Variants in RSPH14 observed in about 807,000 individuals in gnomAD.
RSPH14 encodes the protein rhabdoid tumor deletion region gene 1.
Under a neutral mutation model 26.7 loss-of-function variants are expected in RSPH14, and 20 were observed. The ratio of observed to expected loss-of-function variants is 0.75; its 90% CI spans 0.53 to 1.09. The LOEUF (loss-of-function observed/expected upper bound fraction) is 1.09. RSPH14 is among the 50% of genes least tolerant of loss of function. RSPH14 has a pLI of 0.00. For synonymous variants in RSPH14, 177 were observed against 189.3 expected (o/e 0.93, Z 0.53); for missense variants, 449 against 457.2 (o/e 0.98, Z 0.16).
At chr22:23,072,698 T>C (rs2068410019) in intron 4 of RSPH14, among the ~76,000 whole-genome samples, 1 of 152,244 alleles carries the variant, frequency 6.6e-6, no homozygotes, top group South Asian at 2.1e-4. Context: ...TGCTGTGCTC[T>C]GTGCCTGTCG....
the RSPH14 span, among the ~76,000 whole-genome samples, chr22:23,159,914 C>T: frequency 6.6e-6 from 1 of 152,234 alleles, no homozygotes; most frequent in Non-Finnish European, 1.5e-5. Context: ...CATCCATCTC[C>T]CTTTTTTGTG....
Position 23,138,957 on chromosome 22 carries a change from A to T in RSPH14, c.200-15T>A. 6.5e-7 allele frequency: 1 copy of T among 1,530,840 alleles called. No homozygotes were observed. The allele number at this position is 1,530,840 out of a possible 1,614,324, so 94.8% of individuals were successfully genotyped here. A position where few individuals can be genotyped will look rare whatever the true frequency, so the allele number is the denominator to read the frequency against. On this transcript the variant is annotated splice_polypyrimidine_tract_variant and intron_variant, in intron 2 of 6. Coordinates refer to ENST00000216036, the MANE Select transcript of RSPH14 (RefSeq NM_014433.3). ...CTCCATACAGCCTAGAAAAAAAAAA[A>T]AAAACAAACAAACCAACCCTTGAAT...
the RSPH14 span, among the ~76,000 whole-genome samples, chr22:23,171,607 G>A: frequency 6.6e-6 from 1 of 152,076 alleles, no homozygotes; most frequent in Non-Finnish European, 1.5e-5. Context: ...ACCTTGAGAG[G>A]CAGTGGGGGT....
At chr22:23,095,648 G>A in intron 4 of RSPH14, 1 of 1,550,632 alleles carries the variant, frequency 6.4e-7, no homozygotes. Flanking sequence ...GCAAGAGGGA[G>A]AGGTGCCCCA....
At chr22:23,145,136 C>A (rs951811869), upstream of RSPH14, 140 of 584,478 alleles carry the variant, frequency 2.4e-4, 1 homozygote, top group South Asian at 2.9e-3. Context: ...AGCTCTTATG[C>A]CATAACCGCC....
At chr22:23,093,655 G>A (rs1032044022) in intron 4 of RSPH14, among the ~76,000 whole-genome samples, 2 of 152,216 alleles carry the variant, frequency 1.3e-5, no homozygotes, top group Non-Finnish European at 2.9e-5. Context: ...GATACCTGTG[G>A]CCAGTGAGGG....
At chr22:23,088,386 G>A (rs2068873419) in intron 4 of RSPH14, among the ~76,000 whole-genome samples, 1 of 152,220 alleles carries the variant, frequency 6.6e-6, no homozygotes, top group African/African-American at 2.4e-5. Flanking sequence ...AGTGAGCCTG[G>A]AGATCTGTCA....
intron 4 of RSPH14, among the ~76,000 whole-genome samples, chr22:23,076,808 G>A (rs935735906): frequency 2.0e-5 from 3 of 152,228 alleles, no homozygotes; most frequent in Non-Finnish European, 2.9e-5. Context: ...GGTGGCCCCT[G>A]TGCCCCAAGA....
At chr22:23,072,856 A>G (rs2068413788) in intron 4 of RSPH14, among the ~76,000 whole-genome samples, 1 of 152,248 alleles carries the variant, frequency 6.6e-6, no homozygotes, top group South Asian at 2.1e-4. Context: ...CAGAGTGGCC[A>G]GAACCTGGTG....
the RSPH14 span, chr22:23,152,365 C>A: frequency 7.7e-7 from 1 of 1,297,172 alleles, no homozygotes; most frequent in Non-Finnish European, 1.1e-6. Flanking sequence ...TGAGGGGTGT[C>A]TCACCAGCAG....
chr22:23,159,106 C>T, the RSPH14 span: 2 of 1,595,498 alleles, frequency 1.3e-6, no homozygotes, highest in East Asian at 2.3e-5. Flanking sequence ...GCCTATCCCC[C>T]TGGGCCTCCC....
chr22:23,110,992 G>A (rs947402474), intron 4 of RSPH14, among the ~76,000 whole-genome samples: 3 of 152,204 alleles, frequency 2.0e-5, no homozygotes, highest in Non-Finnish European at 4.4e-5. Context: ...GGTGAACCAA[G>A]CACAGGGGTG....
the RSPH14 span, chr22:23,162,231 C>G: frequency 4.7e-6 from 1 of 211,394 alleles, no homozygotes; most frequent in Non-Finnish European, 9.6e-6. Context: ...TCTCTGGCAC[C>G]TCTGAGATCC....
At chr22:23,162,390 C>A in the RSPH14 span, 5 of 345,112 alleles carry the variant, frequency 1.4e-5, no homozygotes, top group South Asian at 1.1e-4. Flanking sequence ...AGCCCTTGAA[C>A]ATGGCACTGC....
intron 4 of RSPH14, among the ~76,000 whole-genome samples, chr22:23,120,408 A>T (rs1299524816): frequency 6.6e-6 from 1 of 151,930 alleles, no homozygotes; most frequent in Non-Finnish European, 1.5e-5. Context: ...CTGCCAGCTG[A>T]GCTCTCCCTA....
rs2068479011 is a variant in RSPH14 at position 23,075,187 on chromosome 22, C to G, written c.422-11054G>C. On this transcript the variant is annotated intron_variant, in intron 4 of 6. Transcript: ENST00000216036. ...GTGGGCCCGCAACCTGCCTGCTGCCCAGTCCCCACAGCATTTCTCCTCCCT... is the reference window on the plus strand; with the variant it reads ...GTGGGCCCGCAACCTGCCTGCTGCCGAGTCCCCACAGCATTTCTCCTCCCT... Among the ~76,000 whole-genome samples, 3 of 152,148 alleles carry G rather than the reference C, an allele frequency of 2.0e-5. No homozygotes were observed. The South Asian group carries it at 6.2e-4, about 31-fold the overall frequency.
At chr22:23,093,272 G>A (rs941099388) in intron 4 of RSPH14, among the ~76,000 whole-genome samples, 7 of 152,204 alleles carry the variant, frequency 4.6e-5, no homozygotes, top group African/African-American at 1.4e-4. Flanking sequence ...TTTCTAGGGC[G>A]TTCCCTGGTG....
chr22:23,067,792 C>T (rs1234945021), intron 4 of RSPH14, among the ~76,000 whole-genome samples: 1 of 152,148 alleles, frequency 6.6e-6, no homozygotes, highest in Non-Finnish European at 1.5e-5. Context: ...GATAATGCCC[C>T]GCCACTGTCT....
chr22:23,085,543 C>T (rs1252154667), intron 4 of RSPH14, among the ~76,000 whole-genome samples: 1 of 152,202 alleles, frequency 6.6e-6, no homozygotes, highest in Non-Finnish European at 1.5e-5. Flanking sequence ...CTCTGCTGAG[C>T]AGACAAATGG....
Sources: gnomAD v4.1 joint callset for allele counts (sites outside exome capture counted in the v4.1 genomes callset) on GRCh38, gnomAD v4.1.1 for gene constraint, MANE v1.5 for transcripts, NCBI Gene and HGNC (gene_info 2026-07-23, HGNC 2026-07-21) for gene names.